The following ACTL8 variants were observed in gnomAD, a reference collection of about 807,000 sequenced individuals.
ACTL8 encodes the protein actin like 8.
A neutral mutation model predicts 9.3 loss-of-function variants in ACTL8; 3 were observed. That is an observed-to-expected ratio of 0.32 (90% confidence interval 0.15 to 0.83). The LOEUF (loss-of-function observed/expected upper bound fraction) is 0.83, where lower values mean the gene tolerates loss of function less well. ACTL8 is among the 40% of genes least tolerant of loss of function. The probability of loss-of-function intolerance (pLI) is 0.57; values close to 1 mark genes in which losing one functional copy is unlikely to be tolerated. For synonymous variants in ACTL8, 224 were observed against 205.9 expected, an observed-to-expected ratio of 1.09 and a Z score of -0.75; for missense variants, 381 against 492.2, an observed-to-expected ratio of 0.77 and a Z score of 2.14.
chr1:17,813,718 G>T (rs760088882), intron 1 of ACTL8, among the ~76,000 whole-genome samples: 60 of 152,112 alleles, frequency 3.9e-4, no homozygotes, highest in African/African-American at 4.3e-4. Context: ...TAAATGTTGG[G>T]TAAATTCTCC....
At chr1:17,806,843 C>T (rs2066363059) in intron 1 of ACTL8, among the ~76,000 whole-genome samples, 1 of 152,208 alleles carries the variant, frequency 6.6e-6, no homozygotes, top group South Asian at 2.1e-4. Flanking sequence ...AGCAAATTAC[C>T]AAATGCAGTG....
At chr1:17,771,611 G>T (rs1485359542) in intron 1 of ACTL8, among the ~76,000 whole-genome samples, 1 of 152,180 alleles carries the variant, frequency 6.6e-6, no homozygotes, top group African/African-American at 2.4e-5. Context: ...CACTGTCCCA[G>T]AGGTGTGTCC....
intron 1 of ACTL8, among the ~76,000 whole-genome samples, chr1:17,769,079 C>T (rs1022244289): frequency 1.3e-5 from 2 of 152,148 alleles, no homozygotes; most frequent in East Asian, 1.9e-4. Flanking sequence ...GTGAGTCAGT[C>T]GCAAAGAAGG....
chr1:17,761,253 G>T (rs2066000275), intron 1 of ACTL8, among the ~76,000 whole-genome samples: 1 of 151,554 alleles, frequency 6.6e-6, no homozygotes, highest in South Asian at 2.1e-4. Context: ...TTACAGGTGT[G>T]AGCCACTGTG....
chr1:17,779,136 C>T (rs1221945839), intron 1 of ACTL8, among the ~76,000 whole-genome samples: 2 of 152,214 alleles, frequency 1.3e-5, no homozygotes, highest in Non-Finnish European at 2.9e-5. Flanking sequence ...AAACGACTCA[C>T]AGGCTCACAG....
intron 1 of ACTL8, among the ~76,000 whole-genome samples, chr1:17,762,838 T>C (rs1436920900): frequency 2.6e-5 from 4 of 152,124 alleles, no homozygotes; most frequent in Non-Finnish European, 5.9e-5. Context: ...GGCTCCCACC[T>C]CTGGCGCTTT....
At chr1:17,814,678 G>A (rs534908787) in intron 1 of ACTL8, among the ~76,000 whole-genome samples, 5 of 150,752 alleles carry the variant, frequency 3.3e-5, no homozygotes, top group South Asian at 2.1e-4. Context: ...TGTTACAATC[G>A]CCTACAGTAT....
intron 1 of ACTL8, among the ~76,000 whole-genome samples, chr1:17,761,380 TC>T: frequency 6.6e-6 from 1 of 152,162 alleles, no homozygotes; most frequent in Non-Finnish European, 1.5e-5. Context: ...CCCTCCTACC[TC>T]CGGGGACTGA....
At chr1:17,789,668 C>T (rs901726114) in intron 1 of ACTL8, among the ~76,000 whole-genome samples, 1 of 152,152 alleles carries the variant, frequency 6.6e-6, no homozygotes, top group African/African-American at 2.4e-5. Flanking sequence ...TGAAGGTAGA[C>T]ATCATCATCT....
intron 2 of ACTL8, 91 bp from the exon 3 acceptor site, chr1:17,825,675 TC>T: frequency 6.7e-7 from 1 of 1,484,094 alleles, no homozygotes; most frequent in Non-Finnish European, 9.0e-7. Flanking sequence ...AGCCCGAGAG[TC>T]CCCCCGAGGA....
intron 1 of ACTL8, among the ~76,000 whole-genome samples, chr1:17,764,875 C>T (rs897700994): frequency 2.0e-5 from 3 of 152,210 alleles, no homozygotes; most frequent in African/African-American, 4.8e-5. Flanking sequence ...ATGGCCTGGT[C>T]GCTGGCTCTC....
intron 1 of ACTL8, among the ~76,000 whole-genome samples, chr1:17,764,273 G>A (rs978361886): frequency 2.6e-5 from 4 of 152,174 alleles, no homozygotes; most frequent in African/African-American, 7.2e-5. Context: ...CCCTGCTGCA[G>A]ACAGTCATCC....
chr1:17,817,708 T>TC (rs1408446056), intron 1 of ACTL8, among the ~76,000 whole-genome samples: 5 of 151,334 alleles, frequency 3.3e-5, no homozygotes, highest in African/African-American at 9.7e-5. Flanking sequence ...TTTCTTTCTT[T>TC]TCTTTTTTTC....
At chr1:17,784,475 C>T (rs188296242) in intron 1 of ACTL8, among the ~76,000 whole-genome samples, 1 of 152,320 alleles carries the variant, frequency 6.6e-6, no homozygotes, top group East Asian at 1.9e-4. Flanking sequence ...CCATTGTCCT[C>T]TGTGGGTGAA....
chr1:17,773,941 T>G (rs894600508), intron 1 of ACTL8, among the ~76,000 whole-genome samples: 4 of 152,168 alleles, frequency 2.6e-5, no homozygotes, highest in African/African-American at 4.8e-5. Flanking sequence ...GACGTTTATG[T>G]AATGCCTGGC....
chr1:17,782,222 G>C (rs987420265), intron 1 of ACTL8, among the ~76,000 whole-genome samples: 33 of 151,758 alleles, frequency 2.2e-4, no homozygotes, highest in African/African-American at 5.6e-4. Context: ...TTGAGGACAG[G>C]GGGAGGGAAC....
intron 1 of ACTL8, among the ~76,000 whole-genome samples, chr1:17,773,970 G>C (rs192409726): frequency 2.6e-5 from 4 of 152,248 alleles, no homozygotes; most frequent in Non-Finnish European, 5.9e-5. Context: ...GTAGCCAGAG[G>C]TGGTGGGGTG....
At position 17,826,483 on chromosome 1, in the gene ACTL8, G is replaced by A; in HGVS notation, c.1065G>A (p.Met355Ile). The A allele has an allele frequency of 6.2e-7, 1 of 1,602,574 alleles. No homozygotes were observed. Among genetic ancestry groups the A allele is most frequent in the Non-Finnish European group, 8.5e-7 (1 of 1,173,046 alleles). ...AHLSTYQSEWMSREEYGEHMR... is the reference protein window; with the variant it reads ...AHLSTYQSEWISREEYGEHMR... ...TTTCTACCTACCAGTCTGAGTGGAT[G>A]TCCCGAGAGGAGTATGGTGAGCATA... The change falls in exon 3 of 3, where the codon ATG (methionine) becomes ATA (isoleucine). Residue 355 changes from methionine to isoleucine, a missense_variant. Met to Ile is a conservative substitution (Grantham distance 10). Transcript: ENST00000375406. This position sits in a 1 kb window ranked among gnomAD's most constrained non-coding sequence, Gnocchi z 4.5.
chr1:17,815,483 C>T (rs1055600959), intron 1 of ACTL8, among the ~76,000 whole-genome samples: 3 of 152,022 alleles, frequency 2.0e-5, no homozygotes, highest in Non-Finnish European at 4.4e-5. Context: ...GTCTTCTGGA[C>T]TCCATTTTTT....
Sources: allele counts gnomAD v4.1 joint callset (sites outside exome capture counted in the v4.1 genomes callset), GRCh38; gene constraint gnomAD v4.1.1; non-coding constraint Gnocchi (gnomAD v3.1); transcripts MANE v1.5; gene names NCBI Gene and HGNC (gene_info 2026-07-23, HGNC 2026-07-21).